Variants in LRP1B observed in about 807,000 individuals in gnomAD.
The protein encoded by LRP1B is LDL receptor related protein 1B, also known as low-density lipoprotein receptor-related protein 1B.
A neutral mutation model predicts 556.6 loss-of-function variants in LRP1B; 217 were observed. That is an observed-to-expected ratio of 0.39 (90% CI 0.35 to 0.44). The LOEUF is 0.44. LRP1B is among the 20% of genes least tolerant of loss of function. The pLI is 1.00. For synonymous variants in LRP1B, 2,047 were observed against 1,865.8 expected (o/e 1.10, Z -2.50); for missense variants, 5,053 against 5,620.8 (o/e 0.90, Z 3.23).
intron 32 of LRP1B, among the ~76,000 whole-genome samples, chr2:140,806,045 A>G (rs1396143762): frequency 6.8e-6 from 1 of 147,380 alleles, no homozygotes; most frequent in Admixed American, 6.9e-5. Flanking sequence ...AACTTATAAA[A>G]GGATCCCCAG....
chr2:140,982,218 T>A lies in LRP1B; in HGVS notation c.2829A>T (p.Ala943=), dbSNP rs779335937. 1.1e-4 allele frequency: 170 copies of A among 1,613,328 alleles called. 1 individual carries two copies. The highest frequency in any genetic ancestry group is 7.6e-6 in the Non-Finnish European group (9 of 1,179,584). The change falls in exon 18 of 91, where the codon GCA becomes GCT. Residue 943 remains alanine (A), a synonymous_variant. Coordinates refer to ENST00000389484, the MANE Select transcript of LRP1B (RefSeq NM_018557.3). The stretch of plus-strand genomic sequence containing the variant: ...AGTCGTCTTCCCTGTCACACAGCCA[T>A]GCTCTGGGAATGCAACGCCCATTTC... The part of the protein sequence containing the change: ...SCGNGRCIPR[A]WLCDREDDCG...
chr2:142,114,913 A>G (rs1448929239), intron 1 of LRP1B, among the ~76,000 whole-genome samples: 1 of 152,138 alleles, frequency 6.6e-6, no homozygotes, highest in Non-Finnish European at 1.5e-5. Context: ...GACAACAAAA[A>G]GAAATAATAA....
At chr2:140,392,819 T>C (rs1684080976) in intron 66 of LRP1B, among the ~76,000 whole-genome samples, 2 of 152,214 alleles carry the variant, frequency 1.3e-5, no homozygotes, top group East Asian at 3.8e-4. Flanking sequence ...CTTTCATGTT[T>C]TCTGTACCAC....
chr2:140,959,529 T>C (rs1695972457), intron 18 of LRP1B, among the ~76,000 whole-genome samples: 1 of 151,688 alleles, frequency 6.6e-6, no homozygotes, highest in African/African-American at 2.4e-5. Context: ...AATTAAACAA[T>C]GAATTTAGAT....
chr2:141,301,253 C>T (rs749041439), intron 3 of LRP1B, among the ~76,000 whole-genome samples: 17 of 152,056 alleles, frequency 1.1e-4, no homozygotes, highest in East Asian at 1.9e-4. Flanking sequence ...CATGAGTATT[C>T]GGGACATTGG....
At chr2:140,252,099 C>T (rs367835777) in intron 86 of LRP1B, among the ~76,000 whole-genome samples, 2,219 of 53,752 alleles carry the variant, frequency 0.041, 38 homozygotes, top group Non-Finnish European at 0.061. Context: ...ACCCAAAAAA[C>T]AAAAAAAAAC....
At chr2:141,898,510 T>C (rs1699522708) in intron 1 of LRP1B, among the ~76,000 whole-genome samples, 1 of 152,174 alleles carries the variant, frequency 6.6e-6, no homozygotes, top group Admixed American at 6.5e-5. Flanking sequence ...TGACACATTG[T>C]TAATTGTAGA....
intron 6 of LRP1B, among the ~76,000 whole-genome samples, chr2:141,200,258 C>CA (rs1436265066): frequency 6.6e-6 from 1 of 151,964 alleles, no homozygotes; most frequent in Non-Finnish European, 1.5e-5. Flanking sequence ...AAAAACAAAA[C>CA]AAAAAACCAA....
chr2:140,236,453 G>A (rs980614739), intron 89 of LRP1B, among the ~76,000 whole-genome samples: 1 of 150,934 alleles, frequency 6.6e-6, no homozygotes, highest in African/African-American at 2.4e-5. Flanking sequence ...TTAATTTAGA[G>A]AAAAAATATT....
intron 18 of LRP1B, among the ~76,000 whole-genome samples, chr2:140,969,850 C>T (rs979520293): frequency 5.3e-5 from 8 of 152,146 alleles, no homozygotes; most frequent in Non-Finnish European, 7.3e-5. Flanking sequence ...ATATTGGCCC[C>T]CACTCTCTTC....
chr2:141,794,549 C>A (rs144547865), intron 2 of LRP1B, among the ~76,000 whole-genome samples: 19 of 151,934 alleles, frequency 1.3e-4, no homozygotes, highest in African/African-American at 4.1e-4. Context: ...AACTGATATA[C>A]TATTTCTTAA....
intron 41 of LRP1B, among the ~76,000 whole-genome samples, chr2:140,623,385 T>G (rs1482528409): frequency 1.3e-5 from 2 of 152,134 alleles, no homozygotes; most frequent in Non-Finnish European, 2.9e-5. Flanking sequence ...TAAATGCATT[T>G]TGTTTAAAAA....
At chr2:140,999,665 G>A (rs752701092) in intron 15 of LRP1B, among the ~76,000 whole-genome samples, 30 of 152,016 alleles carry the variant, frequency 2.0e-4, no homozygotes, top group Admixed American at 4.6e-4. Flanking sequence ...ATCATTTCAC[G>A]TGCTACTGAA....
intron 1 of LRP1B, among the ~76,000 whole-genome samples, chr2:141,987,914 A>C (rs1372416886): frequency 6.6e-6 from 1 of 151,856 alleles, no homozygotes; most frequent in Non-Finnish European, 1.5e-5. Context: ...CAATGATTTC[A>C]TAGTCAAATA....
intron 79 of LRP1B, 23 bp downstream of exon 79, chr2:140,334,430 T>C (rs768118643): frequency 3.1e-5 from 43 of 1,383,064 alleles, no homozygotes; most frequent in Non-Finnish European, 2.1e-6. Context: ...GCTTCATATT[T>C]TAGCGTGTGT....
intron 41 of LRP1B, among the ~76,000 whole-genome samples, chr2:140,655,917 T>C (rs907443059): frequency 6.7e-6 from 1 of 149,272 alleles, no homozygotes; most frequent in Non-Finnish European, 1.5e-5. Flanking sequence ...CACTCCAGCC[T>C]GGGAGACAGG....
intron 3 of LRP1B, among the ~76,000 whole-genome samples, chr2:141,309,738 C>T (rs751693356): frequency 1.3e-5 from 2 of 151,990 alleles, no homozygotes; most frequent in Non-Finnish European, 2.9e-5. Flanking sequence ...GGGGAGGGAA[C>T]TTGGGAGGAT....
intron 41 of LRP1B, among the ~76,000 whole-genome samples, chr2:140,641,354 T>C (rs1684286566): frequency 6.6e-6 from 1 of 152,230 alleles, no homozygotes; most frequent in African/African-American, 2.4e-5. Flanking sequence ...ATTTTTAGAA[T>C]AACAAGGTTT....
At chr2:140,776,808 T>G (rs1233628073) in intron 32 of LRP1B, among the ~76,000 whole-genome samples, 2 of 152,158 alleles carry the variant, frequency 1.3e-5, no homozygotes, top group African/African-American at 2.4e-5. Flanking sequence ...TGCATTAATT[T>G]ATACCGGTAC....
Sources: allele counts gnomAD v4.1 joint callset (sites outside exome capture counted in the v4.1 genomes callset), GRCh38; gene constraint gnomAD v4.1.1; transcripts MANE v1.5; gene names NCBI Gene and HGNC (gene_info 2026-07-23, HGNC 2026-07-21).